NDOR1: variants seen among roughly 807,000 people sequenced by gnomAD.
NDOR1 encodes the protein NADPH-dependent diflavin oxidoreductase 1.
Under a neutral mutation model 67.2 loss-of-function variants are expected in NDOR1, and 61 were observed. The ratio of observed to expected loss-of-function variants is 0.91; its 90% CI spans 0.74 to 1.12. The LOEUF (loss-of-function observed/expected upper bound fraction) is 1.12. NDOR1 is among the 50% of genes most tolerant of loss of function. The pLI is 0.00. For synonymous variants in NDOR1, 378 were observed against 343.7 expected (o/e 1.10, Z -1.10); for missense variants, 878 against 802.8 (o/e 1.09, Z -1.13).
Position 137,216,270 on chromosome 9 carries a change from A to G in NDOR1, c.1650-2A>G. 6.2e-7 allele frequency: 1 copy of G among 1,613,040 alleles called. No individual in the cohort carries two copies. Among genetic ancestry groups the G allele is most frequent in the Non-Finnish European group, 8.5e-7 (1 of 1,179,948 alleles). On this transcript the variant is annotated splice_acceptor_variant, in intron 13 of 13. Coordinates refer to ENST00000684003, the MANE Select transcript of NDOR1 (RefSeq NM_014434.4). LOFTEE classifies it high-confidence loss of function. ...TGCGCCTTCTGCGACCTGCCCCTCT[A>G]GCAACGCCAAGTCCATGCCAGCGGA...
At position 137,214,372 on chromosome 9, in the gene NDOR1, C is replaced by T. The variant is rs372921282; in HGVS notation, c.681C>T (p.Asp227=). The T allele has an allele frequency of 1.8e-5, 29 of 1,614,048 alleles. No individual in the cohort carries two copies. Among genetic ancestry groups the T allele is most frequent in the Non-Finnish European group, 2.4e-5 (28 of 1,180,040 alleles). ...TCACCGGCCCCTCCCACTTCCAGGA[C>T]GTTCGGCTGATTGAGTTTGACATCT... The part of the protein sequence containing the change: ...QRVTGPSHFQ[D]VRLIEFDILG... Residue 227 remains aspartate (D), a synonymous_variant, in exon 6 of 14, where the codon GAC becomes GAT. Coordinates refer to ENST00000684003, the MANE Select transcript of NDOR1 (RefSeq NM_014434.4).
At chr9:137,213,743 G>C (rs777231921) in intron 3 of NDOR1, 37 bp from the exon 4 acceptor site, 3 of 1,597,284 alleles carry the variant, frequency 1.9e-6, no homozygotes, top group South Asian at 1.1e-5. Context: ...CTCTCCGCCC[G>C]GGCTCCAGCC....
chr9:137,206,389 G>A (rs1808160022), intron 2 of NDOR1, 80 bp downstream of exon 2: 9 of 1,393,124 alleles, frequency 6.5e-6, no homozygotes, highest in Non-Finnish European at 8.2e-6. Context: ...TCTAGGTGCA[G>A]TAAATAGCTC....
intron 9 of NDOR1, 47 bp downstream of exon 9, chr9:137,215,249 G>A (rs748432324): frequency 1.3e-6 from 2 of 1,583,078 alleles, no homozygotes; most frequent in Admixed American, 1.7e-5. Flanking sequence ...TGGGAAAGCT[G>A]GGACCGGGGC....
rs368630930 is a variant in NDOR1 at position 137,216,276 on chromosome 9, G to A, written c.1654G>A (p.Ala552Thr). Residue 552 changes from alanine to threonine, a missense_variant, in exon 14 of 14, where the codon GCC becomes ACC. Physicochemically the swap from Ala to Thr is moderately conservative, Grantham distance 58. Coordinates refer to ENST00000684003, the MANE Select transcript of NDOR1 (RefSeq NM_014434.4). ...QGAYFYLAGN[A>T]KSMPADVSEA... ...TTCTGCGACCTGCCCCTCTAGCAACGCCAAGTCCATGCCAGCGGACGTCTC... is the reference window on the plus strand; with the variant it reads ...TTCTGCGACCTGCCCCTCTAGCAACACCAAGTCCATGCCAGCGGACGTCTC... The A allele has an allele frequency of 1.2e-5, 20 of 1,612,898 alleles. No individual in the cohort carries two copies. The highest frequency in any genetic ancestry group is 1.7e-5 in the Non-Finnish European group (20 of 1,179,994).
chr9:137,215,378 C>T (rs1588814232), intron 9 of NDOR1, 29 bp from the exon 10 acceptor site: 3 of 1,594,394 alleles, frequency 1.9e-6, no homozygotes, highest in Non-Finnish European at 2.6e-6. Context: ...AGCCTTGTTC[C>T]ACCACCCCCA....
intron 2 of NDOR1, among the ~76,000 whole-genome samples, chr9:137,206,768 C>T (rs1056035461): frequency 2.0e-5 from 3 of 152,184 alleles, no homozygotes; most frequent in East Asian, 1.9e-4. Flanking sequence ...CAGCAAACAC[C>T]TGCTGCTGGG....
At chr9:137,211,812 G>A (rs1835273139) in intron 2 of NDOR1, among the ~76,000 whole-genome samples, 1 of 151,908 alleles carries the variant, frequency 6.6e-6, no homozygotes. Context: ...GGAGGTGGGT[G>A]GGCGGCGAAG....
intron 2 of NDOR1, among the ~76,000 whole-genome samples, chr9:137,210,962 G>A (rs1444807498): frequency 2.0e-5 from 3 of 151,944 alleles, no homozygotes; most frequent in African/African-American, 7.3e-5. Flanking sequence ...CCAACATGGT[G>A]AAACCCTGTC....
Position 137,206,223 on chromosome 9 carries a change from TTTG to T in NDOR1, c.136-5_136-3del. 1 of 1,613,974 alleles carries T rather than the reference TTTG, an allele frequency of 6.2e-7. No homozygotes were observed. The highest frequency in any genetic ancestry group is 8.5e-7 in the Non-Finnish European group (1 of 1,179,972). On this transcript the variant is annotated splice_region_variant and splice_polypyrimidine_tract_variant and intron_variant, in intron 1 of 13. Coordinates refer to ENST00000684003, the MANE Select transcript of NDOR1 (RefSeq NM_014434.4). ...CGGAGGTCTTACGTGTGTGTGTCTTTTTGTTGAGGTGAATCTGATTAACGAGCC... is the reference window on the plus strand; with the variant it reads ...CGGAGGTCTTACGTGTGTGTGTCTTTTTGAGGTGAATCTGATTAACGAGCC...
Position 137,216,032 on chromosome 9 carries a change from G to A in NDOR1, c.1554+15G>A. 2.5e-6 allele frequency: 4 copies of A among 1,613,554 alleles called. No individual in the cohort carries two copies. The highest frequency in any genetic ancestry group is 3.4e-6 in the Non-Finnish European group (4 of 1,179,944). The stretch of plus-strand genomic sequence containing the variant: ...CCCGGGAACAGGTGTGTATGCTCAG[G>A]GGCTGGGAAAGGAGGGGAGGGAGCT... On this transcript the variant is annotated intron_variant, in intron 12 of 13. Coordinates refer to ENST00000684003, the MANE Select transcript of NDOR1 (RefSeq NM_014434.4).
rs559255981 is a variant in NDOR1, at chr9:137,210,459, C to G, written c.214-2043C>G. On this transcript the variant is annotated intron_variant, in intron 2 of 13. Transcript: ENST00000684003. Reference sequence around the variant, plus strand: ...TTCTGGGCTCAAGCAGTCTGCCTGCCTCATCCTCCCAAAGTGCTAGGTTTG... The same window carrying G: ...TTCTGGGCTCAAGCAGTCTGCCTGCGTCATCCTCCCAAAGTGCTAGGTTTG... Among the ~76,000 whole-genome samples the G allele has an allele frequency of 7.9e-5, 12 of 152,062 alleles. No individual in the cohort carries two copies. In the East Asian group the frequency reaches 2.3e-3, roughly 29 times the overall value.
Position 137,212,513 on chromosome 9 carries a change from G to T in NDOR1, c.225G>T (p.Arg75Ser). The T allele has an allele frequency of 6.2e-7, 1 of 1,614,056 alleles. No individual in the cohort carries two copies. Among genetic ancestry groups the T allele is most frequent in the Non-Finnish European group, 8.5e-7 (1 of 1,179,962 alleles). ...TCCTCCGGCTGTAGAACTTCTGGAG[G>T]TTTATATTCCGGAAGAACCTGCCCT... is the stretch of plus-strand genomic sequence containing the variant. ...DPPDNMKNFWRFIFRKNLPST... is the reference protein window; with the variant it reads ...DPPDNMKNFWSFIFRKNLPST... Residue 75 changes from arginine to serine, a missense_variant, in exon 3 of 14, where the codon AGG becomes AGT. Physicochemically the swap from Arg to Ser is moderately radical, Grantham distance 110 (BLOSUM62 -1). Transcript: ENST00000684003. The surrounding 1 kb of genome is among the most constrained non-coding windows in gnomAD (Gnocchi z 4.3).
At chr9:137,211,236 C>T (rs1231954856) in intron 2 of NDOR1, among the ~76,000 whole-genome samples, 1 of 152,196 alleles carries the variant, frequency 6.6e-6, no homozygotes, top group Non-Finnish European at 1.5e-5. Context: ...ATTCCAGTGG[C>T]CTCAGAATGA....
At position 137,215,006 on chromosome 9, in the gene NDOR1, G is replaced by T; in HGVS notation, c.1053G>T (p.Arg351Ser). Reference sequence around the variant, plus strand: ...TTGAATACTGCAACCGGCCCCGCAGGACCATCCTGGAGGTGAGATGGGAGG... The same window carrying T: ...TTGAATACTGCAACCGGCCCCGCAGTACCATCCTGGAGGTGAGATGGGAGG... ...ELFEYCNRPR[R>S]TILEVLCDFP... Residue 351 changes from arginine to serine, a missense_variant, in exon 8 of 14, where the codon AGG becomes AGT. By Grantham distance (110) the Arg-to-Ser change is moderately radical (BLOSUM62 -1). Coordinates refer to ENST00000684003, the MANE Select transcript of NDOR1 (RefSeq NM_014434.4). 6.2e-7 allele frequency: 1 copy of T among 1,612,502 alleles called. No homozygotes were observed. The highest frequency in any genetic ancestry group is 1.7e-4 in the Middle Eastern group (1 of 6,056).
In NDOR1 at chr9:137,215,172, G is replaced by C; in HGVS notation, c.1143G>C (p.Pro381=). 1 of 1,613,030 alleles carries C rather than the reference G, an allele frequency of 6.2e-7. No individual in the cohort carries two copies. The highest frequency in any genetic ancestry group is 2.2e-5 in the East Asian group (1 of 44,880). The stretch of plus-strand genomic sequence containing the variant: ...TGGACCTCATCCCCGTTATCCGGCC[G>C]AGGGCCTTCTCCATCGCCTCCTCGC... The part of the protein sequence containing the change: ...YLLDLIPVIR[P]RAFSIASSLL... Residue 381 remains proline (P), a synonymous_variant, in exon 9 of 14, where the codon CCG becomes CCC. Transcript: ENST00000684003.
Position 137,217,971 on chromosome 9 carries a change from G to T in NDOR1, c.*1555G>T, listed in dbSNP as rs899023872. ...CCCCAAGGTGCTGAGACTACAGCCAGTGAGCCCCTGCTGGGGGCCAAAGCC... is the reference window on the plus strand; with the variant it reads ...CCCCAAGGTGCTGAGACTACAGCCATTGAGCCCCTGCTGGGGGCCAAAGCC... On this transcript the variant is annotated 3_prime_UTR_variant, in exon 14 of 14. Coordinates refer to ENST00000684003, the MANE Select transcript of NDOR1 (RefSeq NM_014434.4). 7.5e-6 allele frequency: 3 copies of T among 398,844 alleles called. No homozygotes were observed. In the East Asian group the frequency reaches 1.1e-4, roughly 14 times the overall value. The allele number at this position is 398,844 out of a possible 1,614,324, so 24.7% of individuals were successfully genotyped here.
Position 137,217,764 on chromosome 9 carries a change from T to G in NDOR1, c.*1348T>G. 1 of 388,482 alleles carries G rather than the reference T, an allele frequency of 2.6e-6. No homozygotes were observed. Among genetic ancestry groups the G allele is most frequent in the Non-Finnish European group, 4.5e-6 (1 of 220,906 alleles). The allele number at this position is 388,482 out of a possible 1,614,324, so 24.1% of individuals were successfully genotyped here. On this transcript the variant is annotated 3_prime_UTR_variant, in exon 14 of 14. Transcript: ENST00000684003. ...GCCCCTGTCGCCGCCCTGGGGTCCC[T>G]GTCCTCCTATCCTGACTCCTGCCCC...
rs777675902 is a variant in NDOR1 at position 137,216,099 on chromosome 9, G to A, written c.1560G>A (p.Gln520=). ...LIPAFSREQE[Q]KVYVQHRLRE... ...CCCTGTTCTCTGCCCTACAGGAGCA[G>A]AAAGTATATGTGCAGCACCGGCTCC... Residue 520 remains glutamine, a synonymous_variant, in exon 13 of 14, where the codon CAG becomes CAA. Transcript: ENST00000684003. 2 of 1,613,552 alleles carry A rather than the reference G, an allele frequency of 1.2e-6. No individual in the cohort carries two copies. Among genetic ancestry groups the A allele is most frequent in the Non-Finnish European group, 1.7e-6 (2 of 1,180,006 alleles).
Sources: allele counts gnomAD v4.1 joint callset (sites outside exome capture counted in the v4.1 genomes callset), GRCh38; gene constraint gnomAD v4.1.1; non-coding constraint Gnocchi (gnomAD v3.1); transcripts MANE v1.5; gene names NCBI Gene and HGNC (gene_info 2026-07-23, HGNC 2026-07-21).